Variants in NECTIN1 observed in about 807,000 individuals in gnomAD.
NECTIN1 encodes nectin cell adhesion molecule 1, also known as nectin-1.
In NECTIN1, 23 loss-of-function variants were observed where a neutral mutation model predicts 48.0. The observed-to-expected ratio is 0.48, with a 90% CI of 0.34 to 0.68. The LOEUF is 0.68. NECTIN1 is among the 30% of genes least tolerant of loss of function. The probability of loss-of-function intolerance (pLI) is 0.01; values close to 1 mark genes in which losing one functional copy is unlikely to be tolerated. For missense variants in NECTIN1, 591 were observed against 709.9 expected (o/e 0.83, Z 1.90); for synonymous variants, 270 against 288.9 (o/e 0.93, Z 0.66).
intron 1 of NECTIN1, among the ~76,000 whole-genome samples, chr11:119,680,328 T>A (rs997094444): frequency 3.3e-5 from 5 of 152,202 alleles, no homozygotes; most frequent in Non-Finnish European, 7.4e-5. Flanking sequence ...ATACTTCATG[T>A]CTTTGTATCC....
chr11:119,663,281 G>A lies in NECTIN1; in HGVS notation c.*1466C>T. ...TCTGGGAGCAGATGGAGGAACTGAGGCACTTTGAGCTGGGGGACTGAGAGG... is the reference window on the plus strand; with the variant it reads ...TCTGGGAGCAGATGGAGGAACTGAGACACTTTGAGCTGGGGGACTGAGAGG... On this transcript the variant is annotated 3_prime_UTR_variant, in exon 6 of 6. Transcript: ENST00000264025. 1.0e-6 allele frequency: 1 copy of A among 985,566 alleles called. No individual in the cohort carries two copies. 61.1% of individuals were successfully genotyped at this position (985,566 alleles called of 1,614,324 possible).
Position 119,661,477 on chromosome 11 carries a change from T to C in NECTIN1, c.*3270A>G. ...ACCTGCCCCTCACTAGGAGAGGGTT[T>C]CTGTTGGCAGTCAGGCTTTGGGGGT... is the stretch of plus-strand genomic sequence containing the variant. On this transcript the variant is annotated 3_prime_UTR_variant, in exon 6 of 6. Coordinates refer to ENST00000264025, the MANE Select transcript of NECTIN1 (RefSeq NM_002855.5). 1 of 985,946 alleles carries C rather than the reference T, an allele frequency of 1.0e-6. No homozygotes were observed. The highest frequency in any genetic ancestry group is 1.7e-5 in the African/African-American group (1 of 57,348). The allele number at this position is 985,946 out of a possible 1,614,324, so 61.1% of individuals were successfully genotyped here.
chr11:119,639,884 G>A, exon 6 of NECTIN1: 1 of 1,614,170 alleles, frequency 6.2e-7, no homozygotes, highest in Non-Finnish European at 8.5e-7. Context: ...TCCGTCTCCG[G>A]TGGGCTCTTC....
At chr11:119,643,824 G>A (rs1298874428) in intron 5 of NECTIN1, among the ~76,000 whole-genome samples, 4 of 152,202 alleles carry the variant, frequency 2.6e-5, no homozygotes, top group Non-Finnish European at 4.4e-5. Flanking sequence ...AATCAGTGTC[G>A]GGGGGTGGGG....
chr11:119,684,889 C>T lies in NECTIN1; in HGVS notation c.80-6124G>A, dbSNP rs1335202222. On this transcript the variant is annotated intron_variant, in intron 1 of 5. Coordinates refer to ENST00000264025, the MANE Select transcript of NECTIN1 (RefSeq NM_002855.5). The surrounding 1 kb of genome is among the most constrained non-coding windows in gnomAD (Gnocchi z 5.2). Reference sequence around the variant, plus strand: ...GGGGCAGGGCTCTCACTGAGCTTGTCCTGTCTCATTTCCCCATTAGTCCAG... The same window carrying T: ...GGGGCAGGGCTCTCACTGAGCTTGTTCTGTCTCATTTCCCCATTAGTCCAG... Among the ~76,000 whole-genome samples the T allele has an allele frequency of 1.3e-5, 2 of 152,234 alleles. No homozygotes were observed. The highest frequency in any genetic ancestry group is 4.8e-5 in the African/African-American group (2 of 41,464).
In NECTIN1 at chr11:119,639,899, G is replaced by A. The variant is rs562428156; in HGVS notation, c.1117C>T (p.Gln373Ter). The change falls in exon 6 of 8, where the codon CAG becomes TAG. Residue 373 changes from glutamine (Q) to a stop codon, truncating the protein, a stop_gained. Coordinates refer to the NECTIN1 transcript ENST00000341398. LOFTEE classifies it high-confidence loss of function. The stretch of plus-strand genomic sequence containing the variant: ...TCCGTCTCCGGTGGGCTCTTCTGCT[G>A]CCGGTTGTACAGGAAGAAGACAGTG... The A allele has an allele frequency of 9.3e-6, 15 of 1,614,178 alleles. No individual in the cohort carries two copies. The East Asian group carries it at 2.7e-4, about 29-fold the overall frequency.
At chr11:119,685,429 A>T (rs937487331) in intron 1 of NECTIN1, among the ~76,000 whole-genome samples, 1 of 152,114 alleles carries the variant, frequency 6.6e-6, no homozygotes, top group Non-Finnish European at 1.5e-5. Context: ...GGAGCCCAGG[A>T]TCTTCCAGAC....
rs1591482333 is a variant in NECTIN1 at position 119,710,845 on chromosome 11, G to A, written c.79+17630C>T. 8.5e-5 allele frequency among the ~76,000 whole-genome samples: 13 copies of A among 152,210 alleles called. No individual in the cohort carries two copies. In the South Asian group the frequency reaches 2.5e-3, roughly 29 times the overall value. On this transcript the variant is annotated intron_variant, in intron 1 of 5. Transcript: ENST00000264025. Reference sequence around the variant, plus strand: ...ACACTAACACCCCACACAAAGAACCGTGCCATCACACAGCGCCCGCCTGTC... The same window carrying A: ...ACACTAACACCCCACACAAAGAACCATGCCATCACACAGCGCCCGCCTGTC...
chr11:119,716,014 G>A (rs1214217192), intron 1 of NECTIN1, among the ~76,000 whole-genome samples: 2 of 152,198 alleles, frequency 1.3e-5, no homozygotes, highest in Non-Finnish European at 2.9e-5. Flanking sequence ...AACACATCCA[G>A]GGCAGTGGGA....
At chr11:119,679,398 G>T (rs1047147775) in intron 1 of NECTIN1, among the ~76,000 whole-genome samples, 1 of 152,246 alleles carries the variant, frequency 6.6e-6, no homozygotes, top group Non-Finnish European at 1.5e-5. Context: ...CTTCTCCCTC[G>T]CAGCTGAGTC....
chr11:119,706,667 A>T (rs1039069931), intron 1 of NECTIN1, among the ~76,000 whole-genome samples: 34 of 152,250 alleles, frequency 2.2e-4, no homozygotes, highest in African/African-American at 7.7e-4. Flanking sequence ...GTCATCAAAG[A>T]CAACAGCACA....
intron 5 of NECTIN1, chr11:119,640,041 A>G (rs760214425): frequency 6.3e-7 from 1 of 1,585,818 alleles, no homozygotes; most frequent in East Asian, 2.3e-5. Context: ...GAAGAGGATT[A>G]GAGAGAGAAA....
At chr11:119,650,121 T>C (rs1864467536) in intron 5 of NECTIN1, among the ~76,000 whole-genome samples, 1 of 152,100 alleles carries the variant, frequency 6.6e-6, no homozygotes, top group African/African-American at 2.4e-5. Context: ...GGGGGAGCTT[T>C]TGAGCCAGGA....
Position 119,664,142 on chromosome 11 carries a change from C to G in NECTIN1, c.*605G>C. 2 of 986,224 alleles carry G rather than the reference C, an allele frequency of 2.0e-6. No individual in the cohort carries two copies. The highest frequency in any genetic ancestry group is 2.4e-6 in the Non-Finnish European group (2 of 830,276). 61.1% of individuals were successfully genotyped at this position (986,224 alleles called of 1,614,324 possible). On this transcript the variant is annotated 3_prime_UTR_variant, in exon 6 of 6. Coordinates refer to ENST00000264025, the MANE Select transcript of NECTIN1 (RefSeq NM_002855.5). Reference sequence around the variant, plus strand: ...CTCAGCAGGAAAACACTGCCCAAGGCCCCGCTTAACAAACAAGACTCCCTG... The same window carrying G: ...CTCAGCAGGAAAACACTGCCCAAGGGCCCGCTTAACAAACAAGACTCCCTG...
chr11:119,699,590 G>A (rs780642340), intron 1 of NECTIN1, among the ~76,000 whole-genome samples: 2 of 152,226 alleles, frequency 1.3e-5, no homozygotes, highest in Non-Finnish European at 2.9e-5. Flanking sequence ...ATGACTGGAG[G>A]GCCCGTTCCA....
intron 5 of NECTIN1, among the ~76,000 whole-genome samples, chr11:119,655,258 G>A (rs936296120): frequency 6.6e-6 from 1 of 151,862 alleles, no homozygotes; most frequent in Non-Finnish European, 1.5e-5. Flanking sequence ...CTCACAATCA[G>A]ATTGAGTGGA....
At chr11:119,716,943 T>C (rs1281175818) in intron 1 of NECTIN1, among the ~76,000 whole-genome samples, 1 of 152,242 alleles carries the variant, frequency 6.6e-6, no homozygotes, top group East Asian at 1.9e-4. Context: ...ACAGAGGACA[T>C]AAAAACACTT....
intron 1 of NECTIN1, among the ~76,000 whole-genome samples, chr11:119,722,734 G>T (rs780486198): frequency 3.3e-5 from 5 of 152,270 alleles, no homozygotes; most frequent in Non-Finnish European, 7.3e-5. Flanking sequence ...GACACGGGAA[G>T]TGAGGTCAGC....
chr11:119,716,150 G>T (rs528293533), intron 1 of NECTIN1, among the ~76,000 whole-genome samples: 16 of 152,158 alleles, frequency 1.1e-4, no homozygotes, highest in East Asian at 3.9e-4. Flanking sequence ...GGGTTGGGGG[G>T]GCGGATCTCC....
Sources: gnomAD v4.1 joint callset for allele counts (sites outside exome capture counted in the v4.1 genomes callset) on GRCh38, gnomAD v4.1.1 for gene constraint, Gnocchi (gnomAD v3.1) non-coding constraint, MANE v1.5 for transcripts, NCBI Gene and HGNC (gene_info 2026-07-23, HGNC 2026-07-21) for gene names.